The following CACNA1C variants were observed in gnomAD, a reference collection of about 807,000 sequenced individuals.
CACNA1C encodes the protein voltage-dependent L-type calcium channel subunit alpha-1C.
In CACNA1C, 30 loss-of-function variants were observed where a neutral mutation model predicts 229.0. The observed-to-expected ratio is 0.13, with a 90% CI of 0.10 to 0.18. The LOEUF (loss-of-function observed/expected upper bound fraction) is 0.18. CACNA1C is among the 10% of genes least tolerant of loss of function. The pLI is 1.00. For missense variants in CACNA1C, 1,658 were observed against 2,845.0 expected (o/e 0.58, Z 9.49); for synonymous variants, 1,114 against 1,132.5 (o/e 0.98, Z 0.33).
rs1364786948 is a variant in CACNA1C at position 2,479,780 on chromosome 12, T to C, written c.758-6324T>C. On this transcript the variant is annotated intron_variant, in intron 5 of 46. Coordinates refer to ENST00000399655, the MANE Select transcript of CACNA1C (RefSeq NM_000719.7). The surrounding 1 kb of genome is among the most constrained non-coding windows in gnomAD (Gnocchi z 4.3). ...CTGGGAAGCCCTGACTACATCGGGA[T>C]TGGGGATATCACATGTAGAAGGGGT... Among the ~76,000 whole-genome samples, 1 of 152,186 alleles carries C rather than the reference T, an allele frequency of 6.6e-6. No individual in the cohort carries two copies. The highest frequency in any genetic ancestry group is 1.5e-5 in the Non-Finnish European group (1 of 68,028).
chr12:2,542,391 C>T (rs1183119297), intron 9 of CACNA1C, among the ~76,000 whole-genome samples: 2 of 152,122 alleles, frequency 1.3e-5, no homozygotes, highest in East Asian at 1.9e-4. Context: ...GAGAGCCATT[C>T]GTTTTACAGA....
chr12:2,212,947 T>G (rs150040323), intron 3 of CACNA1C, among the ~76,000 whole-genome samples: 1 of 152,316 alleles, frequency 6.6e-6, no homozygotes, highest in Non-Finnish European at 1.5e-5. Context: ...TATTAACACA[T>G]TGCTCAGTGA....
At chr12:2,252,780 C>T (rs1226896147) in intron 3 of CACNA1C, among the ~76,000 whole-genome samples, 9 of 152,110 alleles carry the variant, frequency 5.9e-5, no homozygotes, top group Non-Finnish European at 1.2e-4. Context: ...TCTTACTCTT[C>T]CCCAGTTTTT....
chr12:2,268,423 T>C (rs1435192423), intron 3 of CACNA1C, among the ~76,000 whole-genome samples: 1 of 152,206 alleles, frequency 6.6e-6, no homozygotes, highest in African/African-American at 2.4e-5. Flanking sequence ...TTCCAGAAGA[T>C]TTCATGGATT....
At chr12:2,097,408 A>G (rs1046031726) in intron 1 of CACNA1C, among the ~76,000 whole-genome samples, 14 of 152,108 alleles carry the variant, frequency 9.2e-5, no homozygotes, top group Non-Finnish European at 2.9e-5. Context: ...GACCTCCCAA[A>G]GTGCTGGGAT....
At chr12:2,392,558 C>T (rs1471328751) in intron 3 of CACNA1C, among the ~76,000 whole-genome samples, 1 of 152,178 alleles carries the variant, frequency 6.6e-6, no homozygotes, top group Non-Finnish European at 1.5e-5. Flanking sequence ...GGCCCAAGCT[C>T]AAAGCACACT....
chr12:2,387,012 T>C (rs1331605461), intron 3 of CACNA1C, among the ~76,000 whole-genome samples: 1 of 152,244 alleles, frequency 6.6e-6, no homozygotes, highest in East Asian at 1.9e-4. Flanking sequence ...CACAGCTCTT[T>C]TAACAATAAG....
intron 3 of CACNA1C, among the ~76,000 whole-genome samples, chr12:2,171,386 T>G (rs1305793528): frequency 6.6e-6 from 1 of 151,962 alleles, no homozygotes; most frequent in Non-Finnish European, 1.5e-5. Flanking sequence ...CCCCACATGC[T>G]CTCTGTGGGC....
At chr12:2,568,384 G>T (rs1232083643) in intron 13 of CACNA1C, among the ~76,000 whole-genome samples, 2 of 152,158 alleles carry the variant, frequency 1.3e-5, no homozygotes, top group African/African-American at 2.4e-5. Flanking sequence ...AAATGGTGCA[G>T]CCACCGTGGG....
intron 3 of CACNA1C, among the ~76,000 whole-genome samples, chr12:2,291,643 G>A (rs1183564226): frequency 6.6e-6 from 1 of 152,212 alleles, no homozygotes; most frequent in Non-Finnish European, 1.5e-5. Context: ...CTGTGACGGA[G>A]CAGAGCTAGA....
chr12:2,336,100 T>C (rs2096686817), intron 3 of CACNA1C, among the ~76,000 whole-genome samples: 1 of 151,456 alleles, frequency 6.6e-6, no homozygotes, highest in African/African-American at 2.4e-5. Flanking sequence ...TTAAGCCACA[T>C]TGATTCCCAA....
intron 3 of CACNA1C, among the ~76,000 whole-genome samples, chr12:2,301,415 A>G (rs1315582447): frequency 6.6e-6 from 1 of 152,212 alleles, no homozygotes; most frequent in East Asian, 1.9e-4. Flanking sequence ...GAGGCAGGGC[A>G]GAATTTCGCA....
At chr12:2,236,595 C>T (rs1400157990) in intron 3 of CACNA1C, among the ~76,000 whole-genome samples, 3 of 152,114 alleles carry the variant, frequency 2.0e-5, no homozygotes, top group African/African-American at 7.2e-5. Context: ...TAACTTGGCA[C>T]TTCTAGGCTA....
chr12:2,585,990 A>G lies in CACNA1C; in HGVS notation c.2530+86A>G, dbSNP rs1010798276. On this transcript the variant is annotated intron_variant, in intron 18 of 46. Coordinates refer to ENST00000399655, the MANE Select transcript of CACNA1C (RefSeq NM_000719.7). The surrounding 1 kb of genome is among the most constrained non-coding windows in gnomAD (Gnocchi z 4.1). ...AGCCACGTGGGAGTGGCCATATATT[A>G]GGGACCATGGTTCCAGTGTCCCTCT... 4 of 727,922 alleles carry G rather than the reference A, an allele frequency of 5.5e-6. No homozygotes were observed. Among genetic ancestry groups the G allele is most frequent in the Non-Finnish European group, 9.0e-6 (4 of 442,908 alleles). 45.1% of individuals were successfully genotyped at this position (727,922 alleles called of 1,614,324 possible).
intron 14 of CACNA1C, among the ~76,000 whole-genome samples, chr12:2,582,025 T>C (rs1390379823): frequency 6.6e-6 from 1 of 151,506 alleles, no homozygotes; most frequent in Non-Finnish European, 1.5e-5. Flanking sequence ...ATATAAGTGG[T>C]TTAAAAATGC....
At chr12:2,051,350 G>T (rs1001411562), upstream of CACNA1C, among the ~76,000 whole-genome samples, 11 of 152,242 alleles carry the variant, frequency 7.2e-5, no homozygotes, top group African/African-American at 2.7e-4. Flanking sequence ...GATGTAAGGG[G>T]ATTTGTACTC....
intron 3 of CACNA1C, among the ~76,000 whole-genome samples, chr12:2,201,730 C>T (rs141363582): frequency 0.011 from 1,687 of 152,280 alleles, 17 homozygotes; most frequent in Non-Finnish European, 0.02. Context: ...AGAGGGAATT[C>T]CAGGGGGAAC....
intron 3 of CACNA1C, among the ~76,000 whole-genome samples, chr12:2,189,375 A>G (rs2097144317): frequency 6.6e-6 from 1 of 152,134 alleles, no homozygotes; most frequent in African/African-American, 2.4e-5. Context: ...GGAAGAACTG[A>G]CTCGGGATAA....
In CACNA1C at chr12:2,633,163, C is replaced by T. The variant is rs887791570; in HGVS notation, c.3829-1134C>T. 2.0e-5 allele frequency among the ~76,000 whole-genome samples: 3 copies of T among 152,182 alleles called. No homozygotes were observed. Among genetic ancestry groups the T allele is most frequent in the South Asian group, 2.1e-4 (1 of 4,828 alleles). ...TCATTCCCAGCTTCACCCATAGGAC[C>T]GAGCCCGCTACCCTCTGAGGGGTCA... On this transcript the variant is annotated intron_variant, in intron 29 of 46. Transcript: ENST00000399655. The surrounding 1 kb of genome is among the most constrained non-coding windows in gnomAD (Gnocchi z 5.8).
Sources: gnomAD v4.1 joint callset for allele counts (sites outside exome capture counted in the v4.1 genomes callset) on GRCh38, gnomAD v4.1.1 for gene constraint, Gnocchi (gnomAD v3.1) non-coding constraint, MANE v1.5 for transcripts, NCBI Gene and HGNC (gene_info 2026-07-23, HGNC 2026-07-21) for gene names.